ARMC8: variants seen among roughly 807,000 people sequenced by gnomAD.
ARMC8 encodes armadillo repeat containing 8.
Under a neutral mutation model 99.3 loss-of-function variants are expected in ARMC8, and 20 were observed. That is an observed-to-expected ratio of 0.20 (90% CI 0.14 to 0.29). The LOEUF is 0.29. Ranked by LOEUF, ARMC8 falls within the 10% of genes least tolerant of loss-of-function variation. ARMC8 has a pLI of 1.00. For missense variants in ARMC8, 569 were observed against 809.5 expected (o/e 0.70, Z 3.60); for synonymous variants, 263 against 278.3 (o/e 0.95, Z 0.55).
chr3:138,258,527 C>T (rs1290249110), intron 12 of ARMC8, among the ~76,000 whole-genome samples: 1 of 152,164 alleles, frequency 6.6e-6, no homozygotes, highest in East Asian at 1.9e-4. Flanking sequence ...ATACCATAAA[C>T]CACCACCTTA....
At chr3:138,235,471 G>A (rs182761470) in intron 7 of ARMC8, among the ~76,000 whole-genome samples, 1 of 152,284 alleles carries the variant, frequency 6.6e-6, no homozygotes, top group East Asian at 1.9e-4. Context: ...TTTAACCACA[G>A]TGTCTCAGAC....
At chr3:138,259,698 A>G in intron 12 of ARMC8, among the ~76,000 whole-genome samples, 1 of 152,204 alleles carries the variant, frequency 6.6e-6, no homozygotes, top group Non-Finnish European at 1.5e-5. Flanking sequence ...AGATACCTCC[A>G]GATAGTTTTA....
chr3:138,257,893 C>G (rs992042337), intron 12 of ARMC8, among the ~76,000 whole-genome samples: 3 of 152,124 alleles, frequency 2.0e-5, no homozygotes, highest in African/African-American at 7.2e-5. Context: ...GCTGCTTAAT[C>G]CCTCCTGCTT....
At chr3:138,223,829 G>A (rs2045535469) in intron 5 of ARMC8, 96 bp downstream of exon 5, 2 of 1,092,576 alleles carry the variant, frequency 1.8e-6, no homozygotes, top group Admixed American at 1.9e-5. Flanking sequence ...ACTGTGTTAT[G>A]TAAAAAAGTC....
At chr3:138,187,988 G>A (rs2043166722) in intron 1 of ARMC8, 3 of 272,548 alleles carry the variant, frequency 1.1e-5, no homozygotes, top group Admixed American at 9.6e-5. Context: ...CTTGCAGCCG[G>A]CCTGAGAACG....
At chr3:138,295,383 C>T (rs912968895) in intron 21 of ARMC8, among the ~76,000 whole-genome samples, 4 of 152,190 alleles carry the variant, frequency 2.6e-5, no homozygotes, top group African/African-American at 7.2e-5. Context: ...GGGCTCTTGG[C>T]CCCTTCCATG....
intron 14 of ARMC8, among the ~76,000 whole-genome samples, chr3:138,266,717 G>A (rs1040629511): frequency 6.6e-6 from 1 of 152,172 alleles, no homozygotes; most frequent in African/African-American, 2.4e-5. Flanking sequence ...GTAGTAGCCT[G>A]CTTGATTCGT....
chr3:138,195,693 G>GA (rs200435375), intron 1 of ARMC8, among the ~76,000 whole-genome samples: 149 of 151,748 alleles, frequency 9.8e-4, no homozygotes, highest in African/African-American at 3.4e-3. Context: ...GGTATTACAT[G>GA]AAAAAAAACA....
intron 1 of ARMC8, among the ~76,000 whole-genome samples, chr3:138,189,293 AT>A (rs1398099412): frequency 6.6e-6 from 1 of 151,082 alleles, no homozygotes; most frequent in African/African-American, 2.4e-5. Flanking sequence ...TTTTTCTTTA[AT>A]TAAAAAAAAA....
chr3:138,232,490 C>T (rs1485209060), intron 6 of ARMC8, among the ~76,000 whole-genome samples: 1 of 152,018 alleles, frequency 6.6e-6, no homozygotes, highest in East Asian at 1.9e-4. Flanking sequence ...AAAGAATATG[C>T]CATAAATTAT....
At chr3:138,244,343 T>C (rs182233926) in intron 11 of ARMC8, among the ~76,000 whole-genome samples, 256 of 152,288 alleles carry the variant, frequency 1.7e-3, no homozygotes, top group African/African-American at 5.9e-3. Context: ...AGTGGCGCGA[T>C]CTCGGCTCAC....
intron 2 of ARMC8, among the ~76,000 whole-genome samples, chr3:138,215,677 T>C (rs997644271): frequency 3.9e-5 from 6 of 152,108 alleles, no homozygotes; most frequent in African/African-American, 1.4e-4. Flanking sequence ...TTTTAGAGAG[T>C]GTAAGGTGAT....
chr3:138,267,199 C>A lies in ARMC8; in HGVS notation c.1344C>A (p.Ser448=). 6.3e-7 allele frequency: 1 copy of A among 1,581,832 alleles called. No homozygotes were observed. The change falls in exon 15 of 22, where the codon TCC becomes TCA. Residue 448 remains serine (S), a synonymous_variant. Coordinates refer to ENST00000469044, the MANE Select transcript of ARMC8 (RefSeq NM_001363941.2). ...APDEILVVAS[S]MLCNLLLEFS... Reference sequence around the variant, plus strand: ...ATGAAATCCTAGTGGTAGCATCTTCCATGCTGTGTAATCTTCTTCTTGAAT... The same window carrying A: ...ATGAAATCCTAGTGGTAGCATCTTCAATGCTGTGTAATCTTCTTCTTGAAT...
chr3:138,264,015 C>A, intron 13 of ARMC8, 116 bp from the exon 14 acceptor site: 1 of 1,042,930 alleles, frequency 9.6e-7, no homozygotes, highest in Admixed American at 2.0e-5. Context: ...ATGTAGTTCA[C>A]TTAACAATGT....
At chr3:138,268,763 G>A (rs1469865312) in intron 15 of ARMC8, among the ~76,000 whole-genome samples, 13 of 151,858 alleles carry the variant, frequency 8.6e-5, no homozygotes, top group African/African-American at 1.7e-4. Flanking sequence ...GCTTCAGAGC[G>A]AGACCCTGTC....
At chr3:138,246,670 T>G (rs1271402698) in intron 12 of ARMC8, 1 of 985,602 alleles carries the variant, frequency 1.0e-6, no homozygotes, top group South Asian at 4.7e-5. Context: ...AAATAGGATG[T>G]CCATTTGTAC....
intron 2 of ARMC8, among the ~76,000 whole-genome samples, chr3:138,215,080 G>C (rs888243874): frequency 6.6e-6 from 1 of 152,170 alleles, no homozygotes; most frequent in Non-Finnish European, 1.5e-5. Flanking sequence ...AATTCGATAG[G>C]ATTATCCAGG....
At chr3:138,274,586 A>G (rs983980550) in intron 18 of ARMC8, 42 bp downstream of exon 18, 2 of 1,458,040 alleles carry the variant, frequency 1.4e-6, no homozygotes. Context: ...TCTGAATGTG[A>G]GCACAAAGGA....
intron 15 of ARMC8, among the ~76,000 whole-genome samples, chr3:138,269,467 A>G (rs1307839044): frequency 6.6e-6 from 1 of 152,202 alleles, no homozygotes; most frequent in African/African-American, 2.4e-5. Context: ...AAAGTACAGG[A>G]CTGTTTTGCT....
Sources: allele counts gnomAD v4.1 joint callset (sites outside exome capture counted in the v4.1 genomes callset), GRCh38; gene constraint gnomAD v4.1.1; transcripts MANE v1.5; gene names NCBI Gene and HGNC (gene_info 2026-07-23, HGNC 2026-07-21).